FHIT: variants seen among roughly 807,000 people sequenced by gnomAD.
The protein encoded by FHIT is bis(5'-adenosyl)-triphosphatase.
Under a neutral mutation model 17.9 loss-of-function variants are expected in FHIT, and 19 were observed. The ratio of observed to expected loss-of-function variants is 1.06; its 90% CI spans 0.74 to 1.56. The LOEUF is 1.56. FHIT is among the 40% of genes most tolerant of loss of function. The pLI, the probability that FHIT is intolerant of heterozygous loss-of-function variation, is 0.00. For synonymous variants in FHIT, 81 were observed against 69.7 expected (o/e 1.16, Z -0.81); for missense variants, 248 against 189.2 (o/e 1.31, Z -1.82).
chr3:60,276,999 A>G (rs575249535), intron 5 of FHIT, among the ~76,000 whole-genome samples: 3 of 152,266 alleles, frequency 2.0e-5, no homozygotes, highest in Admixed American at 2.0e-4. Context: ...ACATTTCAAC[A>G]TGAGATTTGG....
intron 8 of FHIT, among the ~76,000 whole-genome samples, chr3:59,766,272 G>C (rs1411661702): frequency 1.3e-5 from 2 of 152,174 alleles, no homozygotes; most frequent in Non-Finnish European, 2.9e-5. Context: ...ATCCTTGAGA[G>C]GCATGTAAGA....
chr3:60,146,175 A>T lies in FHIT; in HGVS notation c.104-132023T>A, dbSNP rs112444075. On this transcript the variant is annotated intron_variant, in intron 5 of 9. Coordinates refer to ENST00000492590, the MANE Select transcript of FHIT (RefSeq NM_002012.4). Reference sequence around the variant, plus strand: ...GAATAGAGGTTAATTTGCTCACATGACAAGAAGCCTTGTGACTTTATTTAG... The same window carrying T: ...GAATAGAGGTTAATTTGCTCACATGTCAAGAAGCCTTGTGACTTTATTTAG... Among the ~76,000 whole-genome samples the T allele has an allele frequency of 3.5e-3, 532 of 152,026 alleles. 4 individuals are homozygous for T. The highest frequency in any genetic ancestry group is 0.012 in the African/African-American group (503 of 41,480).
At chr3:60,202,490 G>GA in intron 5 of FHIT, among the ~76,000 whole-genome samples, 1 of 152,250 alleles carries the variant, frequency 6.6e-6, no homozygotes, top group Non-Finnish European at 1.5e-5. Context: ...GGCACTAGTT[G>GA]GCATTAATTT....
At chr3:60,338,733 G>A (rs900699596) in intron 5 of FHIT, among the ~76,000 whole-genome samples, 13 of 152,154 alleles carry the variant, frequency 8.5e-5, no homozygotes, top group African/African-American at 7.2e-5. Context: ...AGAAGACCAT[G>A]GCACATAATG....
At chr3:60,084,483 T>G (rs544096958) in intron 5 of FHIT, among the ~76,000 whole-genome samples, 28 of 152,288 alleles carry the variant, frequency 1.8e-4, no homozygotes, top group African/African-American at 6.3e-4. Context: ...GTTTAGGATC[T>G]AGGTGGAAAA....
chr3:60,783,173 G>A (rs1299233817), intron 4 of FHIT, among the ~76,000 whole-genome samples: 6 of 151,772 alleles, frequency 4.0e-5, no homozygotes, highest in African/African-American at 1.5e-4. Context: ...TGTAGAAACA[G>A]TTTCGCCATG....
At chr3:60,661,797 T>C (rs1465062652) in intron 4 of FHIT, among the ~76,000 whole-genome samples, 3 of 152,222 alleles carry the variant, frequency 2.0e-5, no homozygotes, top group Non-Finnish European at 4.4e-5. Context: ...ATGTTCCTAA[T>C]AATTAGTGAT....
chr3:59,923,582 G>A (rs185029910), intron 7 of FHIT, among the ~76,000 whole-genome samples: 3 of 152,182 alleles, frequency 2.0e-5, no homozygotes, highest in Non-Finnish European at 2.9e-5. Flanking sequence ...AGCCTCTATT[G>A]TACCTCGGCT....
intron 4 of FHIT, among the ~76,000 whole-genome samples, chr3:60,705,413 A>C (rs781856842): frequency 2.0e-5 from 3 of 152,210 alleles, no homozygotes; most frequent in Non-Finnish European, 4.4e-5. Context: ...TGTCACCCCA[A>C]GTTGCAAAAA....
At chr3:60,076,191 G>T (rs895739087) in intron 5 of FHIT, among the ~76,000 whole-genome samples, 1 of 151,946 alleles carries the variant, frequency 6.6e-6, no homozygotes, top group Non-Finnish European at 1.5e-5. Flanking sequence ...CAGACATGAT[G>T]GTTTTCCTTA....
chr3:60,727,356 A>T (rs1173707991), intron 4 of FHIT, among the ~76,000 whole-genome samples: 2 of 152,202 alleles, frequency 1.3e-5, no homozygotes, highest in African/African-American at 4.8e-5. Context: ...AAATGTTAAT[A>T]CACTTTTATA....
chr3:60,861,168 A>C lies in FHIT; in HGVS notation c.-110-39157T>G, dbSNP rs1475913937. 2.7e-3 allele frequency among the ~76,000 whole-genome samples: 38 copies of C among 14,294 alleles called. 3 individuals carry two copies. The highest frequency in any genetic ancestry group is 0.01 in the African/African-American group (38 of 3,694). 9.4% of individuals were successfully genotyped at this position (14,294 alleles called of 152,430 possible). Reference sequence around the variant, plus strand: ...TATGATCTATATACATATATATCATATGTTCTATGATATATATGATATATA... The same window carrying C: ...TATGATCTATATACATATATATCATCTGTTCTATGATATATATGATATATA... On this transcript the variant is annotated intron_variant, in intron 3 of 9. Coordinates refer to ENST00000492590, the MANE Select transcript of FHIT (RefSeq NM_002012.4).
chr3:60,956,281 T>A (rs1709155365), intron 3 of FHIT, among the ~76,000 whole-genome samples: 1 of 152,142 alleles, frequency 6.6e-6, no homozygotes, highest in African/African-American at 2.4e-5. Context: ...AGTAAAAGGA[T>A]TCTGGATGAG....
intron 5 of FHIT, among the ~76,000 whole-genome samples, chr3:60,404,693 T>C (rs745781614): frequency 6.6e-6 from 1 of 152,126 alleles, no homozygotes; most frequent in Non-Finnish European, 1.5e-5. Context: ...CAGGGCTTGG[T>C]TTATAGGAAC....
intron 5 of FHIT, among the ~76,000 whole-genome samples, chr3:60,370,927 T>C (rs1334885683): frequency 6.6e-6 from 1 of 152,242 alleles, no homozygotes; most frequent in African/African-American, 2.4e-5. Flanking sequence ...TGCCTCTCAC[T>C]GCCTTTTAAT....
At chr3:59,798,072 C>T (rs1272133251) in intron 8 of FHIT, among the ~76,000 whole-genome samples, 15 of 152,126 alleles carry the variant, frequency 9.9e-5, no homozygotes, top group Admixed American at 9.8e-4. Context: ...AACACCATGG[C>T]TCCATTTCTC....
intron 4 of FHIT, among the ~76,000 whole-genome samples, chr3:60,773,269 C>A (rs1470441640): frequency 6.6e-6 from 1 of 152,172 alleles, no homozygotes; most frequent in Non-Finnish European, 1.5e-5. Context: ...ACAGTTAAAA[C>A]GCAACAGTTA....
intron 7 of FHIT, among the ~76,000 whole-genome samples, chr3:59,947,648 G>T (rs895000183): frequency 2.0e-5 from 3 of 151,652 alleles, no homozygotes; most frequent in Non-Finnish European, 4.4e-5. Flanking sequence ...CTGCAACCCT[G>T]GGGGGGCTGG....
At chr3:60,170,090 A>T (rs28644278) in intron 5 of FHIT, among the ~76,000 whole-genome samples, 1,677 of 152,196 alleles carry the variant, frequency 0.011, 32 homozygotes, top group African/African-American at 0.039. Flanking sequence ...ACAGGCATAT[A>T]ACTAAACTGA....
Sources: gnomAD v4.1 joint callset for allele counts (sites outside exome capture counted in the v4.1 genomes callset) on GRCh38, gnomAD v4.1.1 for gene constraint, MANE v1.5 for transcripts, NCBI Gene and HGNC (gene_info 2026-07-23, HGNC 2026-07-21) for gene names.